LMF2: variants seen among roughly 807,000 people sequenced by gnomAD.
LMF2 encodes lipase maturation factor 2.
LMF2 carries 113 observed loss-of-function variants against 81.5 expected under a neutral mutation model. The observed-to-expected ratio is 1.39, with a 90% CI of 1.19 to 1.62. The LOEUF is 1.62. Among genes scored for constraint, LMF2 ranks in the 40% most tolerant of loss-of-function variants. LMF2 has a pLI of 0.00. For synonymous variants in LMF2, 645 were observed against 424.5 expected, an observed-to-expected ratio of 1.52 and a Z score of -6.39; for missense variants, 1,235 against 929.1, an observed-to-expected ratio of 1.33 and a Z score of -4.28.
intron 1 of LMF2, 62 bp downstream of exon 1, chr22:50,507,520 G>T: frequency 3.2e-6 from 4 of 1,268,442 alleles, no homozygotes; most frequent in Non-Finnish European, 4.5e-6. Flanking sequence ...GCCGGGCACA[G>T]AGAAAAGAGG....
intron 6 of LMF2, 61 bp downstream of exon 6, chr22:50,505,613 T>C: frequency 1.2e-6 from 2 of 1,610,992 alleles, no homozygotes; most frequent in Non-Finnish European, 1.7e-6. Context: ...GTGGGAGTCC[T>C]GTGGGGGTGT....
chr22:50,506,564 C>T, intron 3 of LMF2, 62 bp from the exon 4 acceptor site: 3 of 1,587,566 alleles, frequency 1.9e-6, no homozygotes, highest in African/African-American at 1.3e-5. Flanking sequence ...CTCGGAAAGT[C>T]CTCCCAGGAA....
At chr22:50,506,698 G>A in intron 2 of LMF2, 32 bp from the exon 3 acceptor site, 1 of 1,613,686 alleles carries the variant, frequency 6.2e-7, no homozygotes, top group Non-Finnish European at 8.5e-7. Flanking sequence ...GGGAGCGGGT[G>A]TGTCTGTGGA....
chr22:50,505,966 G>A (rs2068551859), intron 5 of LMF2, 69 bp downstream of exon 5: 1 of 1,561,052 alleles, frequency 6.4e-7, no homozygotes, highest in South Asian at 1.2e-5. Context: ...GTCCCCAACA[G>A]GGCACGCTGA....
rs761384596 is a variant in LMF2 at position 50,503,551 on chromosome 22, A to T, written c.1964T>A (p.Leu655Gln). Residue 655 changes from leucine (L) to glutamine (Q), a missense_variant, in exon 14 of 14, where the codon CTG becomes CAG. Leu to Gln is a moderately radical substitution (Grantham distance 113). Transcript: ENST00000474879. ...AVGAVRFVQA[L>Q]LAPCSLRSSP... ...GGACCGGAGAGAACAGGGTGCTAGCAGGGCTTGCACAAATCTGACAGCCCC... is the reference window on the plus strand; with the variant it reads ...GGACCGGAGAGAACAGGGTGCTAGCTGGGCTTGCACAAATCTGACAGCCCC... 1 of 1,556,178 alleles carries T rather than the reference A, an allele frequency of 6.4e-7. No individual in the cohort carries two copies. The highest frequency in any genetic ancestry group is 1.2e-5 in the South Asian group (1 of 83,940).
Position 50,507,633 on chromosome 22 carries a change from C to T in LMF2, c.43G>A (p.Val15Met). ...AAAGCAAACATGAAGACGGCCGCCACGCCCTGGAGGAAGAGCTGCCGCGGG... is the reference window on the plus strand; with the variant it reads ...AAAGCAAACATGAAGACGGCCGCCATGCCCTGGAGGAAGAGCTGCCGCGGG... The part of the protein sequence containing the change: ...RLPRQLFLQG[V>M]AAVFMFAFAS... Residue 15 changes from valine (V) to methionine (M), a missense_variant, in exon 1 of 14, where the codon GTG becomes ATG. Transcript: ENST00000474879. 1.3e-6 allele frequency: 2 copies of T among 1,556,522 alleles called. No individual in the cohort carries two copies. Among genetic ancestry groups the T allele is most frequent in the Non-Finnish European group, 1.7e-6 (2 of 1,150,820 alleles).
At chr22:50,505,622 G>A in intron 6 of LMF2, 52 bp downstream of exon 6, 1 of 1,611,324 alleles carries the variant, frequency 6.2e-7, no homozygotes, top group Non-Finnish European at 8.5e-7. Context: ...CTGTGGGGGT[G>A]TTGGAGGGGA....
In LMF2 at chr22:50,507,681, C is replaced by G; in HGVS notation, c.-6G>C. The G allele has an allele frequency of 6.5e-7, 1 of 1,548,578 alleles. No homozygotes were observed. The highest frequency in any genetic ancestry group is 8.7e-7 in the Non-Finnish European group (1 of 1,146,282). On this transcript the variant is annotated 5_prime_UTR_variant, in exon 1 of 14. Coordinates refer to ENST00000474879, the MANE Select transcript of LMF2 (RefSeq NM_033200.3). ...GGGAGCCGGGAGCCCGCCATGTCCG[C>G]TACGCGGCCCGCTAGAGCAGGGCCC...
Position 50,506,974 on chromosome 22 carries a change from C to A in LMF2, c.156G>T (p.Gly52=). 1.3e-6 allele frequency: 2 copies of A among 1,591,624 alleles called. No individual in the cohort carries two copies. The highest frequency in any genetic ancestry group is 1.7e-6 in the Non-Finnish European group (2 of 1,175,120). ...ARRTLRPQGK[G]RWQQLWETPT... is the part of the protein sequence containing the mutation. The stretch of plus-strand genomic sequence containing the variant: ...GGGTCTCCCACAGCTGCTGCCAGCG[C>A]CCCTTGCCCTGAGGCCGCAGCGTCC... Residue 52 remains glycine (G), a synonymous_variant, in exon 2 of 14, where the codon GGG becomes GGT. Coordinates refer to ENST00000474879, the MANE Select transcript of LMF2 (RefSeq NM_033200.3).
rs1488254901 is a variant in LMF2, at chr22:50,506,876, C to G, written c.254G>C (p.Gly85Ala). 1 of 1,589,522 alleles carries G rather than the reference C, an allele frequency of 6.3e-7. No individual in the cohort carries two copies. Among genetic ancestry groups the G allele is most frequent in the East Asian group, 2.3e-5 (1 of 43,398 alleles). Residue 85 changes from glycine (G) to alanine (A), a missense_variant, in exon 2 of 14, where the codon GGT (glycine) becomes GCT (alanine). Coordinates refer to ENST00000474879, the MANE Select transcript of LMF2 (RefSeq NM_033200.3). ...CAGGGCTCCCAGGGCCACTAGTGCA[C>G]CCAGCAGGCTCAGCAGCTCCAGGCC... Reference protein sequence around the residue: ...AQGLELLSLLGALVALGALLL... With the variant: ...AQGLELLSLLAALVALGALLL...
rs1293058048 is a variant in LMF2 at position 50,503,665 on chromosome 22, C to G, written c.1850G>C (p.Ser617Thr). The G allele has an allele frequency of 1.5e-6, 2 of 1,343,000 alleles. No individual in the cohort carries two copies. Among genetic ancestry groups the G allele is most frequent in the Non-Finnish European group, 2.0e-6 (2 of 1,016,104 alleles). 83.2% of individuals were successfully genotyped at this position (1,343,000 alleles called of 1,614,324 possible). The change falls in exon 14 of 14, where the codon AGC (serine) becomes ACC (threonine). Residue 617 changes from serine to threonine, a missense_variant. Coordinates refer to ENST00000474879, the MANE Select transcript of LMF2 (RefSeq NM_033200.3). ...CCAGTGGAGGGCCTGGGCCAGGGTG[C>G]TGTTGGCGCTGCGGGTGCGAGGTGG... ...KSPPRTRSAN[S>T]TLAQALHWTR...
Position 50,503,216 on chromosome 22 carries a change from G to A in LMF2, c.*175C>T, listed in dbSNP as rs2068451793. The A allele has an allele frequency of 1.2e-5, 7 of 596,406 alleles. 1 individual carries two copies. The highest frequency in any genetic ancestry group is 2.0e-5 in the Non-Finnish European group (7 of 354,886). 36.9% of individuals were successfully genotyped at this position (596,406 alleles called of 1,614,324 possible). A position where few individuals can be genotyped will look rare whatever the true frequency, so the allele number is the denominator to read the frequency against. ...CCTGGGGAGGGGCATGGCTGGCGTG[G>A]GGGTGGGGCCTGGAGCCCTCAATGC... On this transcript the variant is annotated 3_prime_UTR_variant, in exon 14 of 14. Transcript: ENST00000474879.
rs139876748 is a variant in LMF2 at position 50,503,788 on chromosome 22, C to T, written c.1815+20G>A. On this transcript the variant is annotated intron_variant, in intron 13 of 13. Transcript: ENST00000474879. ...GGGTCACCCCTGCCACCTCCCCCAG[C>T]CTGGCTGACACCCCCTTACCTGTAG... The T allele has an allele frequency of 4.1e-4, 664 of 1,601,522 alleles. 4 individuals carry two copies. In the African/African-American group the frequency reaches 7.9e-3, roughly 19 times the overall value.
intron 1 of LMF2, 97 bp downstream of exon 1, chr22:50,507,485 A>T: frequency 3.1e-6 from 3 of 976,552 alleles, no homozygotes; most frequent in Non-Finnish European, 4.8e-6. Flanking sequence ...CCTGGCCCTC[A>T]CTCCCAACCC....
chr22:50,506,611 A>G (rs901874413), intron 3 of LMF2, 27 bp downstream of exon 3: 3 of 1,603,872 alleles, frequency 1.9e-6, no homozygotes, highest in Admixed American at 3.4e-5. Flanking sequence ...CCAGCCTCCC[A>G]CAGCCCCAGG....
chr22:50,505,586 G>A (rs560502663), intron 6 of LMF2, 49 bp from the exon 7 acceptor site: 29 of 1,611,604 alleles, frequency 1.8e-5, no homozygotes, highest in South Asian at 1.3e-4. Flanking sequence ...CAGCCAGGGG[G>A]CTGGGGTGCA....
rs1279867731 is a variant in LMF2, at chr22:50,506,122, C to T, written c.687G>A (p.Val229=). 2.5e-6 allele frequency: 4 copies of T among 1,582,444 alleles called. No homozygotes were observed. The highest frequency in any genetic ancestry group is 2.3e-5 in the East Asian group (1 of 43,632). Residue 229 remains valine (V), a synonymous_variant, in exon 5 of 14, where the codon GTG becomes GTA. Coordinates refer to ENST00000474879, the MANE Select transcript of LMF2 (RefSeq NM_033200.3). ...CGATCTCAATTAGGAAGGTGGCCAC[C>T]ACGCTGAGCTTGTGCAGCCAGACCG... is the stretch of plus-strand genomic sequence containing the variant. ...HLPVWLHKLS[V]VATFLIEIAV...
intron 2 of LMF2, 34 bp downstream of exon 2, chr22:50,506,748 G>C (rs367604548): frequency 3.0e-4 from 477 of 1,612,268 alleles, no homozygotes; most frequent in Non-Finnish European, 3.8e-4. Flanking sequence ...GTGGGGGTTG[G>C]AGATAGAGTG....
In LMF2 at chr22:50,506,468, C is replaced by T. The variant is rs767018704; in HGVS notation, c.412G>A (p.Val138Met). The T allele has an allele frequency of 2.3e-5, 35 of 1,551,292 alleles. No individual in the cohort carries two copies. Among genetic ancestry groups the T allele is most frequent in the South Asian group, 1.9e-4 (16 of 84,664 alleles). Residue 138 changes from valine (V) to methionine (M), a missense_variant, in exon 4 of 14, where the codon GTG becomes ATG. Transcript: ENST00000474879. ...GCTGGCCTCAGCGGGGCCACCAGCA[C>T]GGCCAGGAAGCCAGTCTCTAGCAGC... ...SLLLETGFLA[V>M]LVAPLRPASH...
Sources: gnomAD v4.1 joint callset for allele counts on GRCh38, gnomAD v4.1.1 for gene constraint, MANE v1.5 for transcripts, NCBI Gene and HGNC (gene_info 2026-07-23, HGNC 2026-07-21) for gene names.